CATIP: variants seen among roughly 807,000 people sequenced by gnomAD.
CATIP encodes ciliogenesis associated TTC17 interacting protein, also known as ciliogenesis-associated TTC17-interacting protein.
Under a neutral mutation model 42.5 loss-of-function variants are expected in CATIP, and 40 were observed. The ratio of observed to expected loss-of-function variants is 0.94; its 90% CI spans 0.73 to 1.22. CATIP has a LOEUF of 1.22. CATIP is among the 50% of genes most tolerant of loss of function. The pLI is 0.00. For synonymous variants in CATIP, 222 were observed against 200.2 expected (o/e 1.11, Z -0.92); for missense variants, 489 against 496.0 (o/e 0.99, Z 0.13).
intron 6 of CATIP, among the ~76,000 whole-genome samples, chr2:218,363,563 G>A (rs1695319028): frequency 6.6e-6 from 1 of 151,870 alleles, no homozygotes; most frequent in African/African-American, 2.4e-5. Context: ...AGCACTTTGG[G>A]AGGCCAAGGT....
At position 218,367,476 on chromosome 2, in the gene CATIP, G is replaced by C; in HGVS notation, c.879G>C (p.Trp293Cys). Reference sequence around the variant, plus strand: ...TGTTTGAGAAGAAGCCCCTGGTATGGGAGGAGGATATGGAGCTCTATTCGA... The same window carrying C: ...TGTTTGAGAAGAAGCCCCTGGTATGCGAGGAGGATATGGAGCTCTATTCGA... Reference protein sequence around the residue: ...RPVFEKKPLVWEEDMELYSKF... With the variant: ...RPVFEKKPLVCEEDMELYSKF... Residue 293 changes from tryptophan to cysteine, a missense_variant, in exon 9 of 10, where the codon TGG becomes TGC. Physicochemically the swap from Trp to Cys is radical, Grantham distance 215 (BLOSUM62 -2). Coordinates refer to ENST00000289388, the MANE Select transcript of CATIP (RefSeq NM_198559.2). The C allele has an allele frequency of 1.9e-6, 3 of 1,614,228 alleles. No individual in the cohort carries two copies. The highest frequency in any genetic ancestry group is 2.5e-6 in the Non-Finnish European group (3 of 1,180,036).
intron 7 of CATIP, chr2:218,365,805 TTC>T (rs1223655874): frequency 6.8e-6 from 1 of 147,060 alleles, no homozygotes; most frequent in African/African-American, 2.7e-5. Context: ...TCCTTCCTCT[TTC>T]TCTCTTTCTC....
Position 218,357,752 on chromosome 2 carries a change from T to C in CATIP, c.319+18T>C. ...CCTCCTGGGTAGCGTTCCTACTGCC[T>C]GATGCCCGTCACTCTCCCCTTCCTC... is the stretch of plus-strand genomic sequence containing the variant. On this transcript the variant is annotated intron_variant, in intron 3 of 9. Transcript: ENST00000289388. 1 of 1,605,164 alleles carries C rather than the reference T, an allele frequency of 6.2e-7. No individual in the cohort carries two copies. Among genetic ancestry groups the C allele is most frequent in the Non-Finnish European group, 8.5e-7 (1 of 1,174,446 alleles).
chr2:218,367,194 C>A, intron 8 of CATIP, 94 bp downstream of exon 8: 4 of 978,050 alleles, frequency 4.1e-6, no homozygotes, highest in Non-Finnish European at 4.7e-6. Flanking sequence ...ACCCAGTGTG[C>A]TGTAAACGGG....
Position 218,368,008 on chromosome 2 carries a change from TGGGACGCGGGC to T in CATIP, c.*53_*63del, listed in dbSNP as rs1330273237. The T allele has an allele frequency of 1.6e-5, 24 of 1,469,974 alleles. No homozygotes were observed. The African/African-American group carries it at 2.8e-4, about 17-fold the overall frequency. The allele number at this position is 1,469,974 out of a possible 1,614,324, so 91.1% of individuals were successfully genotyped here. ...CAGGGCAGGAAACCAGGGGTCGGGC[TGGGACGCGGGC>T]GGGACGCGCCGGGGCGGGTGCGCTT... On this transcript the variant is annotated 3_prime_UTR_variant, in exon 10 of 10. Coordinates refer to ENST00000289388, the MANE Select transcript of CATIP (RefSeq NM_198559.2).
chr2:218,367,829 G>A lies in CATIP; in HGVS notation c.1029G>A (p.Val343=), dbSNP rs143659921. 1.2e-5 allele frequency: 20 copies of A among 1,613,012 alleles called. No individual in the cohort carries two copies. In the African/African-American group the frequency reaches 1.7e-4, roughly 14 times the overall value. ...TGCTGCTGCGCCAGCCGGAGGACGT[G>A]GTCACCTTCGCCGCCGAGTTCTTCG... ...LFLLLRQPED[V]VTFAAEFFGP... Residue 343 remains valine, a synonymous_variant, in exon 10 of 10, where the codon GTG becomes GTA. Transcript: ENST00000289388.
In CATIP at chr2:218,368,013, C is replaced by T; in HGVS notation, c.*49C>T. 1.4e-6 allele frequency: 2 copies of T among 1,460,000 alleles called. No individual in the cohort carries two copies. The highest frequency in any genetic ancestry group is 9.0e-7 in the Non-Finnish European group (1 of 1,112,802). 90.4% of individuals were successfully genotyped at this position (1,460,000 alleles called of 1,614,324 possible). A position where few individuals can be genotyped will look rare whatever the true frequency, so the allele number is the denominator to read the frequency against. ...CAGGAAACCAGGGGTCGGGCTGGGA[C>T]GCGGGCGGGACGCGCCGGGGCGGGT... On this transcript the variant is annotated 3_prime_UTR_variant, in exon 10 of 10. Coordinates refer to ENST00000289388, the MANE Select transcript of CATIP (RefSeq NM_198559.2).
chr2:218,362,989 G>A (rs1695288889), intron 6 of CATIP, 87 bp downstream of exon 6: 4 of 1,333,518 alleles, frequency 3.0e-6, no homozygotes, highest in South Asian at 2.8e-5. Context: ...CAGCTGTGGA[G>A]TAGAAAAGGG....
rs1196271925 is a variant in CATIP at position 218,360,647 on chromosome 2, C to A, written c.450C>A (p.Ile150=). ...QDDQLAVTRS[I]KEGEEVKTGV... The stretch of plus-strand genomic sequence containing the variant: ...ATCAGCTGGCTGTGACCAGAAGTAT[C>A]AAGGAGGGTGAGGTAAGGATGAGAG... Residue 150 remains isoleucine (I), a synonymous_variant, in exon 5 of 10, where the codon ATC becomes ATA. Coordinates refer to ENST00000289388, the MANE Select transcript of CATIP (RefSeq NM_198559.2). The A allele has an allele frequency of 1.2e-6, 2 of 1,613,476 alleles. No homozygotes were observed. The highest frequency in any genetic ancestry group is 4.5e-5 in the East Asian group (2 of 44,868).
At chr2:218,358,883 CAAAAAA>C (rs34797850) in intron 4 of CATIP, among the ~76,000 whole-genome samples, 25 of 123,708 alleles carry the variant, frequency 2.0e-4, no homozygotes, top group Admixed American at 8.8e-4. Context: ...GACCCTGTCT[CAAAAAA>C]AAAAAAAAAA....
chr2:218,357,424 A>G, intron 2 of CATIP, 110 bp from the exon 3 acceptor site: 1 of 902,610 alleles, frequency 1.1e-6, no homozygotes. Flanking sequence ...AGGCTGTGGG[A>G]TGAGGAGGCA....
At chr2:218,365,186 G>A (rs1350812639) in intron 7 of CATIP, among the ~76,000 whole-genome samples, 1 of 152,100 alleles carries the variant, frequency 6.6e-6, no homozygotes, top group Non-Finnish European at 1.5e-5. Context: ...AGGCTGAGGC[G>A]GGCGGATCAT....
chr2:218,367,369 G>A (rs2106320134), intron 8 of CATIP, 61 bp from the exon 9 acceptor site: 3 of 1,461,894 alleles, frequency 2.1e-6, no homozygotes, highest in Non-Finnish European at 2.9e-6. Flanking sequence ...TCGGGATCTC[G>A]CTGTGTATCC....
rs146605680 is a variant in CATIP at position 218,367,933 on chromosome 2, C to T, written c.1133C>T (p.Pro378Leu). The change falls in exon 10 of 10, where the codon CCG (proline) becomes CTG (leucine). Residue 378 changes from proline (P) to leucine (L), a missense_variant. Transcript: ENST00000289388. ...HRPNPFRSLE[P>L]EGDARSGAA The stretch of plus-strand genomic sequence containing the variant: ...CCCAACCCTTTCCGCTCCCTGGAGC[C>T]GGAGGGAGACGCCCGCTCGGGGGCG... 146 of 1,603,550 alleles carry T rather than the reference C, an allele frequency of 9.1e-5. No homozygotes were observed. In the East Asian group the frequency reaches 3.3e-3, roughly 36 times the overall value.
At chr2:218,365,491 T>G (rs1695401212) in intron 7 of CATIP, 4 of 152,098 alleles carry the variant, frequency 2.6e-5, no homozygotes, top group Admixed American at 2.6e-4. Context: ...TTTGTTTTTT[T>G]GAGACAGACT....
At chr2:218,362,501 T>C (rs1379647668) in intron 5 of CATIP, among the ~76,000 whole-genome samples, 2 of 151,934 alleles carry the variant, frequency 1.3e-5, no homozygotes, top group Non-Finnish European at 1.5e-5. Context: ...TAGCCAGGCA[T>C]GGTAGCCTGT....
At chr2:218,357,938 G>A (rs146083370) in intron 3 of CATIP, 99 bp from the exon 4 acceptor site, 32 of 1,210,040 alleles carry the variant, frequency 2.6e-5, no homozygotes, top group South Asian at 6.1e-5. Flanking sequence ...TTCTGGGACC[G>A]TATTACACCT....
intron 3 of CATIP, 43 bp from the exon 4 acceptor site, chr2:218,357,994 C>G: frequency 6.3e-7 from 1 of 1,588,812 alleles, no homozygotes; most frequent in Non-Finnish European, 8.6e-7. Flanking sequence ...AGCCTCTGAC[C>G]CACATCTCCT....
Position 218,357,700 on chromosome 2 carries a change from C to G in CATIP, c.285C>G (p.Phe95Leu). The G allele has an allele frequency of 6.2e-7, 1 of 1,614,018 alleles. No homozygotes were observed. Among genetic ancestry groups the G allele is most frequent in the Non-Finnish European group, 8.5e-7 (1 of 1,180,024 alleles). Reference sequence around the variant, plus strand: ...TCGTGCATGCCTCTAGCCGAGGCTTCTTGGACAAAATGCTCTGCGGAAATT... The same window carrying G: ...TCGTGCATGCCTCTAGCCGAGGCTTGTTGGACAAAATGCTCTGCGGAAATT... ...CLFVHASSRG[F>L]LDKMLCGNSL... Residue 95 changes from phenylalanine to leucine, a missense_variant, in exon 3 of 10, where the codon TTC becomes TTG. By Grantham distance (22) the Phe-to-Leu change is conservative. Coordinates refer to ENST00000289388, the MANE Select transcript of CATIP (RefSeq NM_198559.2).
Sources: allele counts gnomAD v4.1 joint callset (sites outside exome capture counted in the v4.1 genomes callset), GRCh38; gene constraint gnomAD v4.1.1; transcripts MANE v1.5; gene names NCBI Gene and HGNC (gene_info 2026-07-23, HGNC 2026-07-21).